The following BANK1 variants were observed in gnomAD, a reference collection of about 807,000 sequenced individuals.
BANK1 encodes the protein B-cell scaffold protein with ankyrin repeats.
BANK1 carries 95 observed loss-of-function variants against 94.5 expected under a neutral mutation model. The observed-to-expected ratio is 1.00, with a 90% CI of 0.85 to 1.19. BANK1 has a LOEUF of 1.19. Ranked by LOEUF, BANK1 falls within the 50% of genes most tolerant of loss-of-function variation. The pLI is 0.00. For synonymous variants in BANK1, 334 were observed against 308.4 expected (o/e 1.08, Z -0.87); for missense variants, 987 against 932.2 (o/e 1.06, Z -0.77).
intron 2 of BANK1, among the ~76,000 whole-genome samples, chr4:101,842,048 C>T (rs1727068528): frequency 6.6e-6 from 1 of 151,938 alleles, no homozygotes; most frequent in East Asian, 1.9e-4. Flanking sequence ...TTTAAAAAAC[C>T]TTTCTTATAA....
intron 13 of BANK1, among the ~76,000 whole-genome samples, chr4:102,064,225 A>T (rs1728517309): frequency 6.6e-6 from 1 of 152,186 alleles, no homozygotes; most frequent in Non-Finnish European, 1.5e-5. Flanking sequence ...TTCATATTAT[A>T]CAGTTATCTT....
At chr4:101,906,392 C>T (rs1270758086) in intron 6 of BANK1, among the ~76,000 whole-genome samples, 1 of 152,194 alleles carries the variant, frequency 6.6e-6, no homozygotes, top group Non-Finnish European at 1.5e-5. Flanking sequence ...ATCACCCTCT[C>T]ATCTAGCTTG....
At chr4:102,000,191 C>G (rs1726012350) in intron 7 of BANK1, among the ~76,000 whole-genome samples, 1 of 151,948 alleles carries the variant, frequency 6.6e-6, no homozygotes, top group Non-Finnish European at 1.5e-5. Context: ...GGCATGGTAG[C>G]TCACACCTGT....
chr4:101,852,228 T>G (rs1201273237), intron 2 of BANK1, among the ~76,000 whole-genome samples: 1 of 151,808 alleles, frequency 6.6e-6, no homozygotes, highest in Non-Finnish European at 1.5e-5. Flanking sequence ...ATTTATATGT[T>G]GTAGAGTAGG....
intron 11 of BANK1, among the ~76,000 whole-genome samples, chr4:102,053,804 T>G (rs1398385174): frequency 6.6e-6 from 1 of 151,814 alleles, no homozygotes; most frequent in East Asian, 1.9e-4. Context: ...TTAGTAGCAA[T>G]AATCTGGTTA....
At chr4:102,012,269 G>A (rs1346651370) in intron 7 of BANK1, among the ~76,000 whole-genome samples, 2 of 152,122 alleles carry the variant, frequency 1.3e-5, no homozygotes, top group Non-Finnish European at 2.9e-5. Flanking sequence ...TGCACTGGAT[G>A]TTACCTGCCC....
At chr4:102,010,377 A>C (rs1434588932) in intron 7 of BANK1, among the ~76,000 whole-genome samples, 1 of 150,492 alleles carries the variant, frequency 6.6e-6, no homozygotes, top group Admixed American at 6.6e-5. Context: ...ACATTGCTTT[A>C]GTTTGATTAA....
At position 102,072,409 on chromosome 4, in the gene BANK1, T is replaced by C. The variant is rs777363605; in HGVS notation, c.2298+9T>C. On this transcript the variant is annotated intron_variant, in intron 15 of 16. Coordinates refer to ENST00000322953, the MANE Select transcript of BANK1 (RefSeq NM_017935.5). ...TACACTTCAGCAATAAGGTAGGTTG[T>C]ATTTATTTTGATTTCTATAAAATGC... The C allele has an allele frequency of 8.3e-6, 13 of 1,571,140 alleles. No individual in the cohort carries two copies. In the Admixed American group the frequency reaches 2.2e-4, roughly 27 times the overall value.
chr4:102,039,345 A>G (rs1442395650), intron 10 of BANK1, among the ~76,000 whole-genome samples: 1 of 152,146 alleles, frequency 6.6e-6, no homozygotes, highest in Admixed American at 6.6e-5. Context: ...GTGAATTTGC[A>G]AAGAGGCTAC....
rs148020920 is a variant in BANK1, at chr4:101,875,849, G to A, written c.903+5205G>A. ...AGGCCAAAAGGATTGCAACTCCTAG[G>A]CAACTCCTAGTGCTCAACTGTGCCC... On this transcript the variant is annotated intron_variant, in intron 5 of 16. Coordinates refer to ENST00000322953, the MANE Select transcript of BANK1 (RefSeq NM_017935.5). 7.5e-3 allele frequency among the ~76,000 whole-genome samples: 1,148 copies of A among 152,232 alleles called. 11 individuals carry two copies. Among genetic ancestry groups the A allele is most frequent in the African/African-American group, 0.027 (1,102 of 41,518 alleles).
intron 7 of BANK1, among the ~76,000 whole-genome samples, chr4:101,941,675 G>C (rs1016792904): frequency 1.3e-5 from 2 of 151,500 alleles, no homozygotes; most frequent in African/African-American, 4.8e-5. Flanking sequence ...TGAAAAGTCT[G>C]ATCTCTTACT....
intron 5 of BANK1, among the ~76,000 whole-genome samples, chr4:101,894,857 T>C (rs913249789): frequency 1.7e-4 from 26 of 151,930 alleles, no homozygotes; most frequent in African/African-American, 6.3e-4. Context: ...ACAGCAATAA[T>C]ATAATTTAAA....
intron 1 of BANK1, among the ~76,000 whole-genome samples, chr4:101,820,446 A>G (rs1249670960): frequency 3.9e-5 from 6 of 152,162 alleles, no homozygotes; most frequent in African/African-American, 1.4e-4. Context: ...AATTGCCTCA[A>G]GTGAAGTTTT....
intron 7 of BANK1, among the ~76,000 whole-genome samples, chr4:101,921,757 G>T (rs1459359159): frequency 6.6e-6 from 1 of 151,816 alleles, no homozygotes; most frequent in East Asian, 1.9e-4. Context: ...GTGTTCACTT[G>T]TAGTTTGGTT....
chr4:102,037,412 C>T (rs1350565703), intron 10 of BANK1, among the ~76,000 whole-genome samples: 1 of 152,182 alleles, frequency 6.6e-6, no homozygotes, highest in Admixed American at 6.5e-5. Flanking sequence ...CATCGAACAA[C>T]CATATGAAAC....
intron 12 of BANK1, among the ~76,000 whole-genome samples, chr4:102,061,116 A>T (rs1318698905): frequency 6.6e-6 from 1 of 152,216 alleles, no homozygotes; most frequent in Non-Finnish European, 1.5e-5. Context: ...TAGCTGTTTG[A>T]TTAAACACAT....
intron 7 of BANK1, among the ~76,000 whole-genome samples, chr4:101,992,956 A>G (rs149312719): frequency 2.0e-3 from 308 of 152,288 alleles, no homozygotes; most frequent in Admixed American, 3.8e-3. Flanking sequence ...TAAAATTTAG[A>G]CAGTCTCAGG....
intron 10 of BANK1, among the ~76,000 whole-genome samples, chr4:102,043,604 G>T (rs576574906): frequency 1.3e-5 from 2 of 152,096 alleles, no homozygotes; most frequent in South Asian, 4.1e-4. Flanking sequence ...GTTTAATGAG[G>T]CATTGCATCA....
intron 7 of BANK1, among the ~76,000 whole-genome samples, chr4:101,950,276 A>T (rs940641170): frequency 6.6e-6 from 1 of 152,136 alleles, no homozygotes; most frequent in East Asian, 1.9e-4. Flanking sequence ...CACACAAGAC[A>T]GGCAATTACT....
Sources: gnomAD v4.1 joint callset for allele counts (sites outside exome capture counted in the v4.1 genomes callset) on GRCh38, gnomAD v4.1.1 for gene constraint, MANE v1.5 for transcripts, NCBI Gene and HGNC (gene_info 2026-07-23, HGNC 2026-07-21) for gene names.